Variants in PADI1 observed in about 807,000 individuals in gnomAD.
PADI1 encodes peptidyl arginine deiminase 1.
A neutral mutation model predicts 74.8 loss-of-function variants in PADI1; 65 were observed. The ratio of observed to expected loss-of-function variants is 0.87; its 90% CI spans 0.71 to 1.07. The LOEUF is 1.07. PADI1 is among the 50% of genes least tolerant of loss of function. PADI1 has a pLI of 0.00. For missense variants in PADI1, 943 were observed against 854.0 expected (o/e 1.10, Z -1.30); for synonymous variants, 371 against 336.2 (o/e 1.10, Z -1.13).
At chr1:17,230,752 G>A in intron 10 of PADI1, 73 bp downstream of exon 10, 1 of 827,448 alleles carries the variant, frequency 1.2e-6, no homozygotes, top group Non-Finnish European at 2.0e-6. Context: ...AGTCTCATCT[G>A]GACCTAGTCC....
chr1:17,232,568 A>T (rs970670435), intron 10 of PADI1, among the ~76,000 whole-genome samples: 2 of 152,214 alleles, frequency 1.3e-5, no homozygotes, highest in Non-Finnish European at 2.9e-5. Context: ...TGGATTCTTT[A>T]GATGTATACT....
intron 15 of PADI1, among the ~76,000 whole-genome samples, chr1:17,242,168 G>T (rs539419906): frequency 6.6e-6 from 1 of 152,140 alleles, no homozygotes; most frequent in African/African-American, 2.4e-5. Context: ...ATGCTTAGCG[G>T]CCTCCCTGGT....
At chr1:17,226,179 T>A in intron 6 of PADI1, 21 bp downstream of exon 6, 1 of 1,610,792 alleles carries the variant, frequency 6.2e-7, no homozygotes, top group Non-Finnish European at 8.5e-7. Flanking sequence ...TGATGGGGCC[T>A]TTTCCTCCCA....
At chr1:17,213,089 CA>C (rs1223209196) in intron 1 of PADI1, among the ~76,000 whole-genome samples, 3 of 152,230 alleles carry the variant, frequency 2.0e-5, no homozygotes, top group African/African-American at 7.2e-5. Context: ...ATTTTAATAC[CA>C]GCCAGGACAG....
rs912180395 is a variant in PADI1 at position 17,243,926 on chromosome 1, C to G, written c.1759-84C>G. On this transcript the variant is annotated intron_variant, in intron 15 of 15. Coordinates refer to ENST00000375471, the MANE Select transcript of PADI1 (RefSeq NM_013358.3). ...CTATGGCCAACCCATTCCCCAGGGC[C>G]TGTCTCATTCTGGCAAGGAAGGGGT... The G allele has an allele frequency of 1.3e-5, 12 of 932,938 alleles. No homozygotes were observed. The Admixed American group carries it at 2.4e-4, about 19-fold the overall frequency. The allele number at this position is 932,938 out of a possible 1,614,324, so 57.8% of individuals were successfully genotyped here.
rs142153004 is a variant in PADI1 at position 17,239,705 on chromosome 1, G to T, written c.1554G>T (p.Gly518=). 1.2e-5 allele frequency: 19 copies of T among 1,613,258 alleles called. No homozygotes were observed. The East Asian group carries it at 4.0e-4, about 34-fold the overall frequency. Residue 518 remains glycine, a splice_region_variant and synonymous_variant, in exon 14 of 16, where the codon GGG becomes GGT. Coordinates refer to ENST00000375471, the MANE Select transcript of PADI1 (RefSeq NM_013358.3). The part of the protein sequence containing the change: ...EGYGEAAQFD[G]LKHQAKRSIN... ...TGTACTGTCTTTCTCTTCTTGCAGGGTTAAAACACCAGGCAAAAAGAAGCA... is the reference window on the plus strand; with the variant it reads ...TGTACTGTCTTTCTCTTCTTGCAGGTTTAAAACACCAGGCAAAAAGAAGCA...
chr1:17,210,480 C>T (rs2071805654), intron 1 of PADI1, among the ~76,000 whole-genome samples: 1 of 152,076 alleles, frequency 6.6e-6, no homozygotes, highest in Non-Finnish European at 1.5e-5. Flanking sequence ...TCTGGGAAGA[C>T]CAGTGAGTGA....
At chr1:17,214,232 A>G (rs912407527) in intron 1 of PADI1, among the ~76,000 whole-genome samples, 6 of 152,178 alleles carry the variant, frequency 3.9e-5, no homozygotes, top group Non-Finnish European at 1.5e-5. Flanking sequence ...AAATCGAGGC[A>G]GTTGAGTGAC....
chr1:17,216,859 G>A (rs575122857), intron 1 of PADI1, among the ~76,000 whole-genome samples: 4 of 152,178 alleles, frequency 2.6e-5, no homozygotes, highest in African/African-American at 9.6e-5. Flanking sequence ...GACAGAGCAC[G>A]ACGTTGTCTC....
chr1:17,236,984 C>G (rs903815383), intron 11 of PADI1, among the ~76,000 whole-genome samples: 2 of 152,090 alleles, frequency 1.3e-5, no homozygotes, highest in South Asian at 2.1e-4. Flanking sequence ...CAAGGAGGGG[C>G]GCAGTGGGGA....
intron 10 of PADI1, among the ~76,000 whole-genome samples, chr1:17,232,453 G>A (rs757351218): frequency 1.5e-4 from 23 of 152,284 alleles, no homozygotes; most frequent in East Asian, 9.6e-4. Context: ...GTGCTGCCTC[G>A]TCAACATCTC....
intron 1 of PADI1, among the ~76,000 whole-genome samples, chr1:17,212,275 C>A (rs376095865): frequency 2.6e-5 from 4 of 152,338 alleles, no homozygotes; most frequent in Admixed American, 2.0e-4. Flanking sequence ...GGGCTCCTGG[C>A]AGGCCAGATC....
At chr1:17,233,154 G>C (rs1158958970) in intron 11 of PADI1, among the ~76,000 whole-genome samples, 184 bp downstream of exon 11, 1 of 152,200 alleles carries the variant, frequency 6.6e-6, no homozygotes, top group Non-Finnish European at 1.5e-5. Context: ...AGAATCTTAG[G>C]AGAAAAGTCA....
rs748147168 is a variant in PADI1 at position 17,237,318 on chromosome 1, G to A, written c.1318G>A (p.Gly440Ser). 3.7e-6 allele frequency: 6 copies of A among 1,607,594 alleles called. No homozygotes were observed. In the East Asian group the frequency reaches 9.0e-5, roughly 24 times the overall value. The change falls in exon 12 of 16, where the codon GGT becomes AGT. Residue 440 changes from glycine (G) to serine (S), a missense_variant. Coordinates refer to ENST00000375471, the MANE Select transcript of PADI1 (RefSeq NM_013358.3). ...CGCCCTCTCCCTCCTGGCCAGGTCC[G>A]GTGGGCGGCAGATGGCCAGGGCAGT... Reference protein sequence around the residue: ...ILIGSSFPKSGGRQMARAVRN... With the variant: ...ILIGSSFPKSSGRQMARAVRN...
chr1:17,229,864 G>A (rs1455621044), intron 8 of PADI1, among the ~76,000 whole-genome samples: 2 of 152,156 alleles, frequency 1.3e-5, no homozygotes, highest in Admixed American at 6.5e-5. Flanking sequence ...CCCTGCCTCT[G>A]GGCACCACTG....
At chr1:17,235,018 G>A (rs991584645) in intron 11 of PADI1, among the ~76,000 whole-genome samples, 11 of 151,922 alleles carry the variant, frequency 7.2e-5, no homozygotes, top group Non-Finnish European at 1.5e-4. Flanking sequence ...TTGGGAGGCT[G>A]AGGTAGGAGA....
chr1:17,233,448 T>TG (rs1213976842), intron 11 of PADI1, among the ~76,000 whole-genome samples: 1 of 152,178 alleles, frequency 6.6e-6, no homozygotes, highest in Non-Finnish European at 1.5e-5. Context: ...GGTAAGCAAG[T>TG]GATTGGCCAG....
At chr1:17,227,926 G>T (rs768193903) in intron 6 of PADI1, among the ~76,000 whole-genome samples, 1 of 152,210 alleles carries the variant, frequency 6.6e-6, no homozygotes, top group Non-Finnish European at 1.5e-5. Flanking sequence ...CATACAATAG[G>T]CTTCTTTTAG....
intron 1 of PADI1, among the ~76,000 whole-genome samples, chr1:17,212,310 C>A (rs934765018): frequency 1.3e-5 from 2 of 152,340 alleles, no homozygotes; most frequent in Admixed American, 1.3e-4. Flanking sequence ...AGGGGAGCCA[C>A]AGGCTCAGCC....
Sources: allele counts gnomAD v4.1 joint callset (sites outside exome capture counted in the v4.1 genomes callset), GRCh38; gene constraint gnomAD v4.1.1; transcripts MANE v1.5; gene names NCBI Gene and HGNC (gene_info 2026-07-23, HGNC 2026-07-21).